Variants in APPBP2 observed in about 807,000 individuals in gnomAD.
APPBP2 encodes the protein amyloid beta precursor protein binding protein 2.
Under a neutral mutation model 76.0 loss-of-function variants are expected in APPBP2, and 15 were observed. The observed-to-expected ratio is 0.20, with a 90% confidence interval of 0.13 to 0.30. The LOEUF (loss-of-function observed/expected upper bound fraction) is 0.30, where lower values mean the gene tolerates loss of function less well. APPBP2 is among the 10% of genes least tolerant of loss of function. The pLI, the probability that APPBP2 is intolerant of heterozygous loss-of-function variation, is 1.00. For synonymous variants in APPBP2, 222 were observed against 242.2 expected (o/e 0.92, Z 0.77); for missense variants, 401 against 687.2 (o/e 0.58, Z 4.66).
intron 12 of APPBP2, among the ~76,000 whole-genome samples, chr17:60,449,990 T>C (rs921211352): frequency 6.6e-6 from 1 of 151,038 alleles, no homozygotes; most frequent in Non-Finnish European, 1.5e-5. Flanking sequence ...TGAGACGGGG[T>C]TTCAGCATGT....
intron 1 of APPBP2, among the ~76,000 whole-genome samples, chr17:60,508,188 A>T (rs1394210606): frequency 6.6e-6 from 1 of 152,032 alleles, no homozygotes; most frequent in African/African-American, 2.4e-5. Context: ...AAAAATTTAG[A>T]ATCTTTCAGA....
intron 1 of APPBP2, among the ~76,000 whole-genome samples, chr17:60,519,458 T>G (rs924014338): frequency 1.3e-5 from 2 of 151,518 alleles, no homozygotes; most frequent in Admixed American, 6.6e-5. Context: ...AAAAAAAAAT[T>G]TTTAAGGTTT....
chr17:60,455,793 C>CTTTTTTCTTTTTTTTTTTT (rs375591405), intron 10 of APPBP2, among the ~76,000 whole-genome samples: 5 of 151,256 alleles, frequency 3.3e-5, no homozygotes, highest in African/African-American at 1.2e-4. Context: ...ATTTTTTTTT[C>CTTTTTTCTTTTTTTTTTTT]TTGAGACAGA....
At chr17:60,450,817 C>A (rs1215196518) in intron 12 of APPBP2, among the ~76,000 whole-genome samples, 1 of 151,320 alleles carries the variant, frequency 6.6e-6, no homozygotes, top group Non-Finnish European at 1.5e-5. Context: ...AAAAGAACTT[C>A]TGTTATTTAA....
intron 5 of APPBP2, 38 bp downstream of exon 5, chr17:60,466,253 C>CT (rs756603061): frequency 6.3e-7 from 1 of 1,576,712 alleles, no homozygotes; most frequent in South Asian, 1.1e-5. Context: ...TTTATAGGTA[C>CT]TTATTGGTCA....
rs1376777429 is a variant in APPBP2 at position 60,496,103 on chromosome 17, T to C, written c.228-1486A>G. Among the ~76,000 whole-genome samples, 6 of 152,296 alleles carry C rather than the reference T, an allele frequency of 3.9e-5. No homozygotes were observed. The South Asian group carries it at 8.3e-4, about 21-fold the overall frequency. ...TCCAGAGAGACAGAAAGTAGATTAA[T>C]GGTCAGCTAGAAACTGAGGAAAAAG... On this transcript the variant is annotated intron_variant, in intron 2 of 12. Coordinates refer to ENST00000083182, the MANE Select transcript of APPBP2 (RefSeq NM_006380.5).
Position 60,447,706 on chromosome 17 carries a change from G to T in APPBP2, c.1633C>A (p.Arg545=). The T allele has an allele frequency of 1.2e-6, 2 of 1,614,026 alleles. No homozygotes were observed. The highest frequency in any genetic ancestry group is 1.7e-6 in the Non-Finnish European group (2 of 1,180,002). ...ACTGAATATTGCCGATCTCGCAACC[G>T]GTTCCAGTTAGACAGAACATTGTGA... is the stretch of plus-strand genomic sequence containing the variant. The part of the protein sequence containing the change: ...EYHNVLSNWN[R]LRDRQYSVTD... The change falls in exon 13 of 13, where the codon CGG becomes AGG. Residue 545 remains arginine, a synonymous_variant. Coordinates refer to ENST00000083182, the MANE Select transcript of APPBP2 (RefSeq NM_006380.5).
rs775278801 is a variant in APPBP2 at position 60,479,141 on chromosome 17, A to G, written c.503+7T>C. ...AGCACGTAATTACAGGATATGTTCC[A>G]ACTTACCTCACACAACATTCTACTG... On this transcript the variant is annotated splice_region_variant and intron_variant, in intron 4 of 12. Coordinates refer to ENST00000083182, the MANE Select transcript of APPBP2 (RefSeq NM_006380.5). The G allele has an allele frequency of 6.2e-7, 1 of 1,609,472 alleles. No individual in the cohort carries two copies. The highest frequency in any genetic ancestry group is 8.5e-7 in the Non-Finnish European group (1 of 1,178,710).
At chr17:60,515,993 C>G (rs1022114218) in intron 1 of APPBP2, among the ~76,000 whole-genome samples, 9 of 152,102 alleles carry the variant, frequency 5.9e-5, no homozygotes, top group African/African-American at 1.9e-4. Flanking sequence ...GGTGAAAACC[C>G]GTCTCTACCA....
chr17:60,489,723 C>T (rs781045345), intron 3 of APPBP2, among the ~76,000 whole-genome samples: 1 of 151,480 alleles, frequency 6.6e-6, no homozygotes, highest in Non-Finnish European at 1.5e-5. Context: ...CACATGCACA[C>T]AGTAATGAGA....
At chr17:60,458,585 T>C (rs2090449710) in intron 9 of APPBP2, among the ~76,000 whole-genome samples, 1 of 152,214 alleles carries the variant, frequency 6.6e-6, no homozygotes, top group Non-Finnish European at 1.5e-5. Context: ...CATTCTCTGC[T>C]GCAACTACTG....
At chr17:60,482,589 G>A (rs1396695946) in intron 3 of APPBP2, among the ~76,000 whole-genome samples, 2 of 152,004 alleles carry the variant, frequency 1.3e-5, no homozygotes, top group South Asian at 2.1e-4. Flanking sequence ...CCCCCAGACC[G>A]CCACCCCACA....
chr17:60,443,247 G>C lies in APPBP2; in HGVS notation c.*4334C>G, dbSNP rs1045727134. 2.0e-5 allele frequency: 3 copies of C among 152,642 alleles called. No individual in the cohort carries two copies. The highest frequency in any genetic ancestry group is 7.2e-5 in the African/African-American group (3 of 41,448). The allele number at this position is 152,642 out of a possible 1,614,324, so 9.5% of individuals were successfully genotyped here. ...ACAATGCTGGTTACAAACATACTTA[G>C]TATGGTTTAATAGTTACAAATAACG... On this transcript the variant is annotated 3_prime_UTR_variant, in exon 13 of 13. Coordinates refer to ENST00000083182, the MANE Select transcript of APPBP2 (RefSeq NM_006380.5).
At chr17:60,514,806 ACTTTT>A (rs1288725711) in intron 1 of APPBP2, among the ~76,000 whole-genome samples, 2 of 151,898 alleles carry the variant, frequency 1.3e-5, no homozygotes, top group African/African-American at 4.8e-5. Context: ...TTATTTTAAA[ACTTTT>A]CTTTTTTTTT....
intron 2 of APPBP2, among the ~76,000 whole-genome samples, chr17:60,496,606 AG>A (rs758917730): frequency 1.3e-5 from 2 of 152,178 alleles, no homozygotes; most frequent in African/African-American, 2.4e-5. Context: ...CTTATTTATT[AG>A]ATTTTTTTTT....
At chr17:60,488,633 G>T (rs1036804635) in intron 3 of APPBP2, among the ~76,000 whole-genome samples, 5 of 152,008 alleles carry the variant, frequency 3.3e-5, no homozygotes, top group African/African-American at 1.2e-4. Flanking sequence ...GTAATTTTAG[G>T]ATTAAGACTG....
chr17:60,476,171 T>C (rs898773780), intron 4 of APPBP2, among the ~76,000 whole-genome samples: 4 of 152,178 alleles, frequency 2.6e-5, no homozygotes, highest in Non-Finnish European at 4.4e-5. Context: ...CTCCAAAGAA[T>C]ACAAAAGGAC....
intron 1 of APPBP2, among the ~76,000 whole-genome samples, chr17:60,518,123 T>C (rs1469139468): frequency 6.6e-6 from 1 of 150,816 alleles, no homozygotes. Context: ...AGTAGCATGA[T>C]CTTGGCTCAC....
intron 1 of APPBP2, among the ~76,000 whole-genome samples, chr17:60,508,686 A>G (rs964904641): frequency 6.6e-5 from 10 of 152,168 alleles, no homozygotes; most frequent in Non-Finnish European, 1.0e-4. Flanking sequence ...GCAGTCTCCT[A>G]TGAAAAACTG....
Sources: gnomAD v4.1 joint callset for allele counts (sites outside exome capture counted in the v4.1 genomes callset) on GRCh38, gnomAD v4.1.1 for gene constraint, MANE v1.5 for transcripts, NCBI Gene and HGNC (gene_info 2026-07-23, HGNC 2026-07-21) for gene names.